The following EP300 variants were observed in gnomAD, a reference collection of about 807,000 sequenced individuals.
The protein encoded by EP300 is histone acetyltransferase p300.
A neutral mutation model predicts 264.0 loss-of-function variants in EP300; 31 were observed. That is an observed-to-expected ratio of 0.12 (90% CI 0.09 to 0.16). The LOEUF (loss-of-function observed/expected upper bound fraction) is 0.16. EP300 is among the 10% of genes least tolerant of loss of function. The pLI, the probability that EP300 is intolerant of heterozygous loss-of-function variation, is 1.00. For missense variants in EP300, 2,766 were observed against 3,052.9 expected, an observed-to-expected ratio of 0.91 and a Z score of 2.21; for synonymous variants, 1,340 against 1,045.4, an observed-to-expected ratio of 1.28 and a Z score of -5.44.
At chr22:41,176,677 T>C in intron 30 of EP300, 96 bp from the exon 31 acceptor site, 1 of 1,612,376 alleles carries the variant, frequency 6.2e-7, no homozygotes, top group Non-Finnish European at 8.5e-7. Flanking sequence ...GTTTTTGTTC[T>C]ACGAAAGGGG....
chr22:41,095,519 G>T (rs939925924), intron 1 of EP300, among the ~76,000 whole-genome samples: 5 of 151,434 alleles, frequency 3.3e-5, no homozygotes, highest in African/African-American at 1.2e-4. Context: ...GGTATGAGCC[G>T]CCCGGCCAGA....
At position 41,092,595 on chromosome 22, in the gene EP300, A is replaced by G. The variant is rs372104710; in HGVS notation, c.-410A>G. The stretch of plus-strand genomic sequence containing the variant: ...GCCCCCGCCTCCTTGTGGCGATGAG[A>G]AGGAGGAGGACAGCGCCGAGGAGGA... On this transcript the variant is annotated 5_prime_UTR_variant, in exon 1 of 31. Coordinates refer to ENST00000263253, the MANE Select transcript of EP300 (RefSeq NM_001429.4). 162 of 557,674 alleles carry G rather than the reference A, an allele frequency of 2.9e-4. No individual in the cohort carries two copies. The highest frequency in any genetic ancestry group is 1.0e-3 in the Admixed American group (35 of 34,824). The allele number at this position is 557,674 out of a possible 1,614,324, so 34.5% of individuals were successfully genotyped here. A position where few individuals can be genotyped will look rare whatever the true frequency, so the allele number is the denominator to read the frequency against.
At chr22:41,163,778 T>C (rs1047232972) in intron 21 of EP300, among the ~76,000 whole-genome samples, 6 of 151,358 alleles carry the variant, frequency 4.0e-5, no homozygotes, top group African/African-American at 1.2e-4. Flanking sequence ...CCAGGCATGA[T>C]AGTATGTGCC....
rs2145766457 is a variant in EP300 at position 41,170,437 on chromosome 22, C to T, written c.4318C>T (p.Pro1440Ser). 6.2e-7 allele frequency: 1 copy of T among 1,614,036 alleles called. No individual in the cohort carries two copies. Among genetic ancestry groups the T allele is most frequent in the Non-Finnish European group, 8.5e-7 (1 of 1,179,966 alleles). Reference sequence around the variant, plus strand: ...AACAGGGCATATTTGGGCATGTCCACCAAGTGAGGGAGATGATTATATCTT... The same window carrying T: ...AACAGGGCATATTTGGGCATGTCCATCAAGTGAGGGAGATGATTATATCTT... ...YTTGHIWACP[P>S]SEGDDYIFHC... Residue 1440 changes from proline to serine, a missense_variant, in exon 27 of 31, where the codon CCA becomes TCA. Coordinates refer to ENST00000263253, the MANE Select transcript of EP300 (RefSeq NM_001429.4).
At chr22:41,139,929 A>T (rs1601612708) in intron 8 of EP300, among the ~76,000 whole-genome samples, 1 of 152,258 alleles carries the variant, frequency 6.6e-6, no homozygotes, top group East Asian at 1.9e-4. Context: ...ACCAAAGAGT[A>T]TTTTTTATAG....
intron 1 of EP300, among the ~76,000 whole-genome samples, chr22:41,096,681 C>T (rs1000800258): frequency 1.2e-4 from 17 of 144,158 alleles, no homozygotes; most frequent in African/African-American, 4.2e-4. Flanking sequence ...TGCAGTAGCT[C>T]GATCTTGGCT....
chr22:41,140,109 A>G (rs947251772), intron 8 of EP300, 31 bp from the exon 9 acceptor site: 1 of 1,444,736 alleles, frequency 6.9e-7, no homozygotes. Flanking sequence ...TGCTGACATG[A>G]TATTACAGTG....
chr22:41,168,458 C>G lies in EP300; in HGVS notation c.3884C>G (p.Ser1295Cys), dbSNP rs772897576. ...ENKFSAKRLP[S>C]TRLGTFLENR... ...ACTTTTACATTCCTAGGGTTGCCAT[C>G]TACCAGACTTGGCACCTTTCTAGAG... Residue 1295 changes from serine (S) to cysteine (C), a missense_variant, in exon 24 of 31, where the codon TCT (serine) becomes TGT (cysteine). Transcript: ENST00000263253. The G allele has an allele frequency of 1.9e-6, 3 of 1,614,212 alleles. No individual in the cohort carries two copies. Among genetic ancestry groups the G allele is most frequent in the African/African-American group, 1.3e-5 (1 of 75,054 alleles).
intron 23 of EP300, 197 bp from the exon 24 acceptor site, chr22:41,168,252 T>C (rs2059151489): frequency 1.7e-6 from 1 of 604,620 alleles, no homozygotes; most frequent in Non-Finnish European, 2.9e-6. Flanking sequence ...ATTAGAATGA[T>C]ATGAAGATTA....
intron 2 of EP300, among the ~76,000 whole-genome samples, chr22:41,120,354 C>G (rs2058845399): frequency 6.6e-6 from 1 of 152,112 alleles, no homozygotes; most frequent in Admixed American, 6.5e-5. Context: ...CGTGGCACAC[C>G]CACGCCAGCA....
chr22:41,094,014 T>A (rs2058688869), intron 1 of EP300, among the ~76,000 whole-genome samples: 1 of 152,220 alleles, frequency 6.6e-6, no homozygotes, highest in Non-Finnish European at 1.5e-5. Context: ...AGATCAAGAT[T>A]TTCGTTTAAA....
rs574196718 is a variant in EP300, at chr22:41,157,032, C to T, written c.3262-137C>T. 2.0e-4 allele frequency: 193 copies of T among 979,260 alleles called. 3 individuals carry two copies. In the South Asian group the frequency reaches 2.7e-3, roughly 14 times the overall value. The allele number at this position is 979,260 out of a possible 1,614,324, so 60.7% of individuals were successfully genotyped here. ...TAATATTTAAAGAAGTGATGGACAT[C>T]AGTCACCTCTTGGGGAATATAGACA... is the stretch of plus-strand genomic sequence containing the variant. On this transcript the variant is annotated intron_variant, in intron 17 of 30. Coordinates refer to ENST00000263253, the MANE Select transcript of EP300 (RefSeq NM_001429.4).
At chr22:41,138,774 G>T (rs994734785) in intron 8 of EP300, among the ~76,000 whole-genome samples, 1 of 152,210 alleles carries the variant, frequency 6.6e-6, no homozygotes, top group Admixed American at 6.5e-5. Flanking sequence ...TCAGTTAATA[G>T]CAGGGTCGTC....
intron 1 of EP300, among the ~76,000 whole-genome samples, chr22:41,110,450 TC>T (rs1213134780): frequency 6.6e-6 from 1 of 150,594 alleles, no homozygotes; most frequent in Non-Finnish European, 1.5e-5. Flanking sequence ...GCTCCACCAT[TC>T]CCGGCTGATT....
At chr22:41,167,920 C>G (rs557302881) in intron 23 of EP300, among the ~76,000 whole-genome samples, 110 of 131,534 alleles carry the variant, frequency 8.4e-4, no homozygotes, top group African/African-American at 3.1e-3. Context: ...CTCCCGGGTT[C>G]AAGCGATTCT....
chr22:41,168,480 A>G lies in EP300; in HGVS notation c.3906A>G (p.Leu1302=), dbSNP rs759741526. Residue 1302 remains leucine, a synonymous_variant, in exon 24 of 31, where the codon CTA becomes CTG. Transcript: ENST00000263253. The part of the protein sequence containing the change: ...RLPSTRLGTF[L]ENRVNDFLRR... ...CATCTACCAGACTTGGCACCTTTCT[A>G]GAGAATCGTGTGAATGACTTTCTGA... 3.1e-6 allele frequency: 5 copies of G among 1,614,106 alleles called. No homozygotes were observed. In the South Asian group the frequency reaches 4.4e-5, roughly 14 times the overall value.
At chr22:41,149,674 T>C (rs2059031802) in intron 13 of EP300, 87 bp from the exon 14 acceptor site, 2 of 1,341,802 alleles carry the variant, frequency 1.5e-6, no homozygotes, top group African/African-American at 1.4e-5. Context: ...AATCAGTTTG[T>C]GTCCTAAATT....
intron 16 of EP300, among the ~76,000 whole-genome samples, chr22:41,152,610 T>G (rs555406114): frequency 6.6e-6 from 1 of 152,156 alleles, no homozygotes. Context: ...ACCCTAAAAA[T>G]TGTCTCATTT....
intron 1 of EP300, among the ~76,000 whole-genome samples, chr22:41,115,894 G>C (rs897371467): frequency 1.6e-4 from 25 of 152,186 alleles, no homozygotes; most frequent in African/African-American, 6.0e-4. Flanking sequence ...AAAAATGGTG[G>C]ATAGCCCTCT....
Sources: allele counts gnomAD v4.1 joint callset (sites outside exome capture counted in the v4.1 genomes callset), GRCh38; gene constraint gnomAD v4.1.1; transcripts MANE v1.5; gene names NCBI Gene and HGNC (gene_info 2026-07-23, HGNC 2026-07-21).